GALNT13: variants seen among roughly 807,000 people sequenced by gnomAD.
GALNT13 encodes the protein polypeptide N-acetylgalactosaminyltransferase 13.
Under a neutral mutation model 64.2 loss-of-function variants are expected in GALNT13, and 28 were observed. That is an observed-to-expected ratio of 0.44 (90% confidence interval 0.32 to 0.60). The LOEUF (loss-of-function observed/expected upper bound fraction) is 0.60, where lower values mean the gene tolerates loss of function less well. Among genes scored for constraint, GALNT13 ranks in the 20% least tolerant of loss-of-function variants. The pLI is 0.05. For synonymous variants in GALNT13, 214 were observed against 224.6 expected (o/e 0.95, Z 0.42); for missense variants, 577 against 669.8 (o/e 0.86, Z 1.53).
the GALNT13 span, among the ~76,000 whole-genome samples, chr2:153,719,753 C>T: frequency 3.3e-5 from 5 of 151,792 alleles, no homozygotes; most frequent in South Asian, 2.1e-4. Flanking sequence ...CTTTTCAGAC[C>T]GGCTTAAAAA....
At chr2:154,122,188 A>C (rs1017664043) in intron 3 of GALNT13, among the ~76,000 whole-genome samples, 1 of 152,010 alleles carries the variant, frequency 6.6e-6, no homozygotes, top group Non-Finnish European at 1.5e-5. Flanking sequence ...CCTAGATTAA[A>C]TGTGTGCTAC....
chr2:153,087,587 A>C, the GALNT13 span, among the ~76,000 whole-genome samples: 3 of 152,178 alleles, frequency 2.0e-5, 1 homozygote, highest in Admixed American at 1.3e-4. Flanking sequence ...GATAGAATTC[A>C]GCTGTGAATG....
intron 4 of GALNT13, among the ~76,000 whole-genome samples, chr2:154,145,682 C>T (rs545357690): frequency 6.6e-6 from 1 of 151,882 alleles, no homozygotes; most frequent in Admixed American, 6.6e-5. Flanking sequence ...ACTCTAGCAG[C>T]CTTACATTAT....
At chr2:153,763,304 G>A in the GALNT13 span, among the ~76,000 whole-genome samples, 1 of 152,208 alleles carries the variant, frequency 6.6e-6, no homozygotes, top group South Asian at 2.1e-4. Context: ...CGGTAGGTCA[G>A]GCCTAGTGTT....
At chr2:153,360,898 C>T in the GALNT13 span, among the ~76,000 whole-genome samples, 1 of 152,160 alleles carries the variant, frequency 6.6e-6, no homozygotes, top group East Asian at 1.9e-4. Context: ...ATGGCTTTTG[C>T]TCCCTTTGCC....
chr2:153,183,116 T>G, the GALNT13 span, among the ~76,000 whole-genome samples: 1 of 152,238 alleles, frequency 6.6e-6, no homozygotes, highest in African/African-American at 2.4e-5. Context: ...TGTTCCTTTT[T>G]CTTCATAACC....
rs117779475 is a variant in GALNT13 at position 153,934,752 on chromosome 2, A to G, written c.-104-9642A>G. ...ACATGGTGGGTTGCATTACAGAAAA[A>G]GACCAATAACCTTAGATAAGCTACT... On this transcript the variant is annotated intron_variant, in intron 2 of 12. Coordinates refer to ENST00000392825, the MANE Select transcript of GALNT13 (RefSeq NM_052917.4). 5.6e-3 allele frequency among the ~76,000 whole-genome samples: 860 copies of G among 152,338 alleles called. 12 individuals carry two copies. The highest frequency in any genetic ancestry group is 0.055 in the East Asian group (287 of 5,180).
chr2:153,317,219 G>A, the GALNT13 span, among the ~76,000 whole-genome samples: 3 of 152,170 alleles, frequency 2.0e-5, no homozygotes, highest in African/African-American at 7.2e-5. Flanking sequence ...TTATACTGCA[G>A]TGATGGAAGT....
At chr2:153,650,085 T>C in the GALNT13 span, among the ~76,000 whole-genome samples, 2 of 152,150 alleles carry the variant, frequency 1.3e-5, no homozygotes, top group Non-Finnish European at 2.9e-5. Flanking sequence ...CCCATTATTA[T>C]TGTGTGGGAG....
At chr2:153,994,530 C>A (rs10175545) in intron 3 of GALNT13, among the ~76,000 whole-genome samples, 31,051 of 152,164 alleles carry the variant, frequency 0.2, 4,086 homozygotes, top group Middle Eastern at 0.33. Context: ...TACAGTCCCA[C>A]CAAAAGTGTA....
the GALNT13 span, among the ~76,000 whole-genome samples, chr2:153,237,501 C>A: frequency 2.0e-5 from 3 of 152,006 alleles, no homozygotes; most frequent in Admixed American, 2.0e-4. Flanking sequence ...CCTCTGGTAA[C>A]CATCATCCTA....
the GALNT13 span, among the ~76,000 whole-genome samples, chr2:153,449,176 A>G: frequency 6.6e-6 from 1 of 152,118 alleles, no homozygotes; most frequent in East Asian, 1.9e-4. Context: ...CAGAAACTTG[A>G]TCTTGGACTT....
the GALNT13 span, among the ~76,000 whole-genome samples, chr2:153,519,698 A>G: frequency 6.6e-6 from 1 of 152,308 alleles, no homozygotes; most frequent in East Asian, 1.9e-4. Flanking sequence ...GTGATTAAAA[A>G]TTCTCAACCT....
chr2:153,091,075 G>A, the GALNT13 span, among the ~76,000 whole-genome samples: 2 of 152,060 alleles, frequency 1.3e-5, no homozygotes. Context: ...GGTGTCTCCT[G>A]TGCTTCTGTA....
intron 9 of GALNT13, among the ~76,000 whole-genome samples, chr2:154,376,045 C>A (rs932525323): frequency 6.6e-6 from 1 of 152,052 alleles, no homozygotes; most frequent in African/African-American, 2.4e-5. Flanking sequence ...AAAAGAGAGA[C>A]AAAAGGAATA....
chr2:153,685,782 G>A, the GALNT13 span, among the ~76,000 whole-genome samples: 1 of 151,970 alleles, frequency 6.6e-6, no homozygotes, highest in African/African-American at 2.4e-5. Flanking sequence ...GTCTTCTAAG[G>A]TTTTTATGGT....
chr2:154,113,784 G>T (rs923113891), intron 3 of GALNT13, among the ~76,000 whole-genome samples: 1 of 152,238 alleles, frequency 6.6e-6, no homozygotes, highest in Admixed American at 6.5e-5. Context: ...CAAAGCCAGA[G>T]AGTTGATATA....
chr2:153,320,901 C>T, the GALNT13 span, among the ~76,000 whole-genome samples: 5 of 152,248 alleles, frequency 3.3e-5, no homozygotes, highest in Non-Finnish European at 5.9e-5. Context: ...TATCTTTTAA[C>T]CCATTCAATT....
chr2:153,203,513 T>G, the GALNT13 span, among the ~76,000 whole-genome samples: 188 of 152,312 alleles, frequency 1.2e-3, no homozygotes, highest in African/African-American at 4.1e-3. Flanking sequence ...CCTCTTCTTA[T>G]ATTAATTTTA....
Sources: gnomAD v4.1 joint callset for allele counts (sites outside exome capture counted in the v4.1 genomes callset) on GRCh38, gnomAD v4.1.1 for gene constraint, MANE v1.5 for transcripts, NCBI Gene and HGNC (gene_info 2026-07-23, HGNC 2026-07-21) for gene names.